The following THADA variants were observed in gnomAD, a reference collection of about 807,000 sequenced individuals.
The protein encoded by THADA is tRNA (32-2'-O)-methyltransferase regulator THADA.
In THADA, 213 loss-of-function variants were observed where a neutral mutation model predicts 219.8. The observed-to-expected ratio is 0.97, with a 90% CI of 0.87 to 1.09. THADA has a LOEUF of 1.09. Among genes scored for constraint, THADA ranks in the 50% least tolerant of loss-of-function variants. The probability of loss-of-function intolerance (pLI) is 0.00; values close to 1 mark genes in which losing one functional copy is unlikely to be tolerated. For synonymous variants in THADA, 1,018 were observed against 828.9 expected (o/e 1.23, Z -3.92); for missense variants, 2,956 against 2,311.3 (o/e 1.28, Z -5.72).
At chr2:43,429,309 G>A (rs959692717) in intron 27 of THADA, among the ~76,000 whole-genome samples, 1 of 152,220 alleles carries the variant, frequency 6.6e-6, no homozygotes, top group Admixed American at 6.5e-5. Context: ...GTTTCGCCAT[G>A]CTGGCCAAGC....
Position 43,292,882 on chromosome 2 carries a change from C to T in THADA, c.4770G>A (p.Lys1590=). ...TTTCCTTCATGGCCAACAATAAGAA[C>T]TTCTCTCCCATGTTGCACAGCAAGG... ...VPPLLCNMGE[K]FLLLAMKENH... Residue 1590 remains lysine (K), a synonymous_variant, in exon 32 of 38, where the codon AAG becomes AAA. Coordinates refer to ENST00000405975, the MANE Select transcript of THADA (RefSeq NM_022065.5). The T allele has an allele frequency of 6.2e-7, 1 of 1,613,954 alleles. No individual in the cohort carries two copies.
chr2:43,503,971 G>A (rs1358973249), intron 24 of THADA, among the ~76,000 whole-genome samples: 6 of 151,960 alleles, frequency 3.9e-5, no homozygotes, highest in Non-Finnish European at 5.9e-5. Context: ...ACTTTTTAAA[G>A]CACGGACATG....
intron 34 of THADA, among the ~76,000 whole-genome samples, chr2:43,288,553 C>T (rs1189372248): frequency 1.3e-5 from 2 of 152,154 alleles, no homozygotes; most frequent in Non-Finnish European, 2.9e-5. Flanking sequence ...AAGACAGATA[C>T]ACAGGGAGAG....
intron 36 of THADA, among the ~76,000 whole-genome samples, chr2:43,249,319 C>T (rs1412811648): frequency 6.6e-6 from 1 of 152,186 alleles, no homozygotes; most frequent in Non-Finnish European, 1.5e-5. Context: ...AACTCCTGGG[C>T]TCAAGCATTG....
At chr2:43,235,538 C>T (rs1667939654) in intron 36 of THADA, among the ~76,000 whole-genome samples, 1 of 152,046 alleles carries the variant, frequency 6.6e-6, no homozygotes, top group Non-Finnish European at 1.5e-5. Flanking sequence ...AGTGATCTGC[C>T]CCCTCGGCTT....
intron 26 of THADA, among the ~76,000 whole-genome samples, chr2:43,470,338 T>C (rs2104959534): frequency 6.6e-6 from 1 of 152,040 alleles, no homozygotes; most frequent in South Asian, 2.1e-4. Flanking sequence ...GAAATAACCC[T>C]ACACATTAAA....
chr2:43,289,624 C>T (rs1318869701), intron 34 of THADA, among the ~76,000 whole-genome samples: 1 of 152,168 alleles, frequency 6.6e-6, no homozygotes, highest in Non-Finnish European at 1.5e-5. Context: ...CTGGTGACTT[C>T]TTAGAACTTG....
intron 26 of THADA, among the ~76,000 whole-genome samples, chr2:43,471,987 A>G (rs949292236): frequency 1.3e-5 from 2 of 152,256 alleles, no homozygotes; most frequent in African/African-American, 4.8e-5. Context: ...GAACCAAGAA[A>G]CATGTTTCCT....
intron 21 of THADA, among the ~76,000 whole-genome samples, chr2:43,536,889 G>A (rs1010915395): frequency 6.6e-6 from 1 of 152,158 alleles, no homozygotes; most frequent in African/African-American, 2.4e-5. Context: ...ATGCATTTAA[G>A]TGTTTATCAG....
At position 43,590,110 on chromosome 2, in the gene THADA, A is replaced by C. The variant is rs573201391; in HGVS notation, c.302+714T>G. On this transcript the variant is annotated intron_variant, in intron 4 of 37. Coordinates refer to ENST00000405975, the MANE Select transcript of THADA (RefSeq NM_022065.5). ...AGTGACAATCTTTACTAAGAAAAGT[A>C]AGATAAGCCCTAAACAATGAAATGG... Among the ~76,000 whole-genome samples, 285 of 152,350 alleles carry C rather than the reference A, an allele frequency of 1.9e-3. 3 individuals are homozygous for C. Among genetic ancestry groups the C allele is most frequent in the African/African-American group, 6.5e-3 (270 of 41,586 alleles).
At chr2:43,483,262 A>G (rs1296741920) in intron 26 of THADA, among the ~76,000 whole-genome samples, 1 of 152,188 alleles carries the variant, frequency 6.6e-6, no homozygotes, top group Non-Finnish European at 1.5e-5. Flanking sequence ...CCCAGAACAG[A>G]TGAAAAAGGT....
chr2:43,535,462 T>C (rs1479743130), intron 21 of THADA, among the ~76,000 whole-genome samples: 1 of 151,476 alleles, frequency 6.6e-6, no homozygotes, highest in African/African-American at 2.4e-5. Flanking sequence ...GCAGATCACC[T>C]GAGGTCAGGA....
intron 29 of THADA, among the ~76,000 whole-genome samples, chr2:43,365,868 A>T (rs575778029): frequency 1.2e-3 from 178 of 152,316 alleles, no homozygotes; most frequent in Admixed American, 3.1e-3. Context: ...ATAATTGCTC[A>T]GATGGGAAGA....
rs1332076014 is a variant in THADA, at chr2:43,232,752, C to T, written c.5427G>A (p.Glu1809=). 6.2e-7 allele frequency: 1 copy of T among 1,613,898 alleles called. No individual in the cohort carries two copies. ...CCACACAGGCCACGAGGTCATCACT[C>T]TCTCCCAACAGCCATCCCAGCAGGA... The part of the protein sequence containing the change: ...LPILLGWLLG[E]SDDLVACVES... Residue 1809 remains glutamate (E), a synonymous_variant, in exon 37 of 38, where the codon GAG becomes GAA. Transcript: ENST00000405975.
chr2:43,481,436 CAA>C (rs1164910417), intron 26 of THADA, among the ~76,000 whole-genome samples: 1 of 152,100 alleles, frequency 6.6e-6, no homozygotes, highest in African/African-American at 2.4e-5. Flanking sequence ...ACACAGTAAA[CAA>C]AACTATTATT....
intron 21 of THADA, chr2:43,538,664 GAGA>G (rs1328353356): frequency 6.6e-6 from 1 of 152,148 alleles, no homozygotes; most frequent in Non-Finnish European, 1.5e-5. Context: ...GGCTGGCAAG[GAGA>G]AGAACTGGGT....
At chr2:43,324,971 C>T (rs1679149773) in intron 30 of THADA, among the ~76,000 whole-genome samples, 1 of 152,206 alleles carries the variant, frequency 6.6e-6, no homozygotes, top group Non-Finnish European at 1.5e-5. Flanking sequence ...AGGAATCCAG[C>T]ACTATGCGGA....
Position 43,553,362 on chromosome 2 carries a change from A to T in THADA, c.2675-1023T>A, listed in dbSNP as rs559856641. 5.3e-5 allele frequency among the ~76,000 whole-genome samples: 8 copies of T among 152,186 alleles called. No individual in the cohort carries two copies. The East Asian group carries it at 1.5e-3, about 29-fold the overall frequency. On this transcript the variant is annotated intron_variant, in intron 17 of 37. Transcript: ENST00000405975. ...TGATAATCGAAGATGGAGACCTTGGAAGGTAATTAGGTTTAGATTAAGTCA... is the reference window on the plus strand; with the variant it reads ...TGATAATCGAAGATGGAGACCTTGGTAGGTAATTAGGTTTAGATTAAGTCA...
At chr2:43,509,438 T>C (rs1690112587) in intron 22 of THADA, among the ~76,000 whole-genome samples, 1 of 152,200 alleles carries the variant, frequency 6.6e-6, no homozygotes. Context: ...CTGTATAACA[T>C]TGCCCAAGGA....
Sources: gnomAD v4.1 joint callset for allele counts (sites outside exome capture counted in the v4.1 genomes callset) on GRCh38, gnomAD v4.1.1 for gene constraint, MANE v1.5 for transcripts, NCBI Gene and HGNC (gene_info 2026-07-23, HGNC 2026-07-21) for gene names.